The following PRKG1 variants were observed in gnomAD, a reference collection of about 807,000 sequenced individuals.
PRKG1 encodes cGMP-dependent protein kinase 1.
Under a neutral mutation model 88.1 loss-of-function variants are expected in PRKG1, and 35 were observed. The observed-to-expected ratio is 0.40, with a 90% confidence interval of 0.30 to 0.53. PRKG1 has a LOEUF of 0.53. PRKG1 is among the 20% of genes least tolerant of loss of function. The pLI, the probability that PRKG1 is intolerant of heterozygous loss-of-function variation, is 0.59. For missense variants in PRKG1, 540 were observed against 839.8 expected (o/e 0.64, Z 4.41); for synonymous variants, 303 against 292.5 (o/e 1.04, Z -0.37).
chr10:51,761,994 C>A (rs760153739), intron 3 of PRKG1, among the ~76,000 whole-genome samples: 16 of 151,138 alleles, frequency 1.1e-4, no homozygotes, highest in Non-Finnish European at 2.2e-4. Context: ...GCTATTAACC[C>A]CCAAATAGTA....
chr10:52,226,784 C>CA (rs55690907), intron 9 of PRKG1, among the ~76,000 whole-genome samples: 37,861 of 147,658 alleles, frequency 0.26, 5,112 homozygotes, highest in Non-Finnish European at 0.3. Context: ...AGGAACAGGT[C>CA]AAAATCCATG....
chr10:51,108,336 T>C (rs1429287695), intron 1 of PRKG1, among the ~76,000 whole-genome samples: 1 of 150,836 alleles, frequency 6.6e-6, no homozygotes, highest in Non-Finnish European at 1.5e-5. Context: ...GAACATAAAA[T>C]GCAAAAACTC....
intron 7 of PRKG1, among the ~76,000 whole-genome samples, chr10:52,111,204 G>T (rs1198700403): frequency 6.6e-6 from 1 of 152,216 alleles, no homozygotes; most frequent in East Asian, 1.9e-4. Flanking sequence ...GCAGATGGAA[G>T]TGGAAAAAAA....
chr10:51,883,385 T>G (rs547820923), intron 4 of PRKG1, among the ~76,000 whole-genome samples: 3 of 152,344 alleles, frequency 2.0e-5, no homozygotes, highest in Admixed American at 1.3e-4. Context: ...CAAATATAGA[T>G]AGATGATATA....
At chr10:51,589,615 T>G (rs190580734) in intron 3 of PRKG1, among the ~76,000 whole-genome samples, 1 of 152,234 alleles carries the variant, frequency 6.6e-6, no homozygotes, top group Non-Finnish European at 1.5e-5. Flanking sequence ...AGAGTGAGAC[T>G]CTGTCTCAAA....
chr10:52,076,295 G>T (rs1647020176), intron 7 of PRKG1, among the ~76,000 whole-genome samples: 1 of 152,360 alleles, frequency 6.6e-6, no homozygotes, highest in South Asian at 2.1e-4. Context: ...AGTGGCTCAC[G>T]CCCGTAGTCC....
At chr10:51,572,291 A>T (rs747749532) in intron 3 of PRKG1, among the ~76,000 whole-genome samples, 38 of 151,880 alleles carry the variant, frequency 2.5e-4, no homozygotes, top group Non-Finnish European at 4.4e-4. Flanking sequence ...TTCAATCAAT[A>T]AAAAATATAT....
At chr10:52,035,291 G>A (rs1292008769) in intron 5 of PRKG1, among the ~76,000 whole-genome samples, 1 of 152,086 alleles carries the variant, frequency 6.6e-6, no homozygotes, top group African/African-American at 2.4e-5. Flanking sequence ...AGTCCTGGGT[G>A]GGGCAAATCC....
intron 12 of PRKG1, among the ~76,000 whole-genome samples, chr10:52,279,877 A>G (rs937431686): frequency 6.6e-6 from 1 of 152,152 alleles, no homozygotes; most frequent in East Asian, 1.9e-4. Context: ...AGAAAAAAAA[A>G]GTACATGGTT....
intron 1 of PRKG1, among the ~76,000 whole-genome samples, chr10:51,010,813 A>G (rs922481968): frequency 3.3e-5 from 5 of 152,206 alleles, no homozygotes; most frequent in African/African-American, 9.6e-5. Flanking sequence ...CTCTCTGTAA[A>G]GTTTTTAACA....
intron 2 of PRKG1, among the ~76,000 whole-genome samples, chr10:51,255,025 A>G (rs934860151): frequency 6.6e-6 from 1 of 152,134 alleles, no homozygotes; most frequent in Admixed American, 6.6e-5. Context: ...TGATTTTAAA[A>G]TAAAAACATG....
intron 2 of PRKG1, among the ~76,000 whole-genome samples, chr10:51,404,407 T>A (rs1292998913): frequency 6.6e-6 from 1 of 152,206 alleles, no homozygotes; most frequent in African/African-American, 2.4e-5. Flanking sequence ...GGCCAAAATG[T>A]TTTTACTGCC....
chr10:52,081,957 A>G (rs757373343), intron 7 of PRKG1, among the ~76,000 whole-genome samples: 6 of 152,128 alleles, frequency 3.9e-5, no homozygotes, highest in African/African-American at 7.2e-5. Context: ...TCATGCTGCT[A>G]TAAAGAACTG....
At chr10:52,188,342 A>ACAC (rs1424522164) in intron 9 of PRKG1, among the ~76,000 whole-genome samples, 60 of 145,766 alleles carry the variant, frequency 4.1e-4, no homozygotes, top group African/African-American at 1.5e-3. Flanking sequence ...ATATATATAT[A>ACAC]TATTTCTTTT....
rs564279141 is a variant in PRKG1 at position 51,533,506 on chromosome 10, T to C, written c.592+65670T>C. On this transcript the variant is annotated intron_variant, in intron 3 of 17. Coordinates refer to ENST00000373980, the MANE Select transcript of PRKG1 (RefSeq NM_006258.4). Reference sequence around the variant, plus strand: ...CAGTTTACCAATTCTGCACCTGATATCAACTTAATTTCGTGTTCAGTTTTC... The same window carrying C: ...CAGTTTACCAATTCTGCACCTGATACCAACTTAATTTCGTGTTCAGTTTTC... Among the ~76,000 whole-genome samples, 5 of 152,092 alleles carry C rather than the reference T, an allele frequency of 3.3e-5. No homozygotes were observed. The South Asian group carries it at 1.0e-3, about 32-fold the overall frequency.
At chr10:51,984,644 A>G (rs145785082) in intron 5 of PRKG1, among the ~76,000 whole-genome samples, 3 of 152,262 alleles carry the variant, frequency 2.0e-5, no homozygotes, top group African/African-American at 7.2e-5. Context: ...TTGTTTATAT[A>G]CTTTAGGTAT....
At chr10:51,341,734 C>T (rs1842008097) in intron 2 of PRKG1, among the ~76,000 whole-genome samples, 1 of 152,110 alleles carries the variant, frequency 6.6e-6, no homozygotes, top group South Asian at 2.1e-4. Flanking sequence ...TCTCATGCTG[C>T]TAATAAAGAC....
chr10:52,290,317 G>T, intron 17 of PRKG1, 27 bp downstream of exon 17: 1 of 1,554,156 alleles, frequency 6.4e-7, no homozygotes, highest in Non-Finnish European at 8.8e-7. Flanking sequence ...GCTTATAATT[G>T]TGTGACATAA....
intron 1 of PRKG1, among the ~76,000 whole-genome samples, chr10:51,023,027 T>C (rs768378650): frequency 2.0e-5 from 3 of 151,942 alleles, no homozygotes; most frequent in Non-Finnish European, 4.4e-5. Context: ...ACAGAAAACA[T>C]CTGTATCCAC....
Sources: allele counts gnomAD v4.1 joint callset (sites outside exome capture counted in the v4.1 genomes callset), GRCh38; gene constraint gnomAD v4.1.1; transcripts MANE v1.5; gene names NCBI Gene and HGNC (gene_info 2026-07-23, HGNC 2026-07-21).